FLNB: variants seen among roughly 807,000 people sequenced by gnomAD.
FLNB encodes filamin B.
In FLNB, 111 loss-of-function variants were observed where a neutral mutation model predicts 250.6. The observed-to-expected ratio is 0.44, with a 90% CI of 0.38 to 0.52. FLNB has a LOEUF of 0.52. Among genes scored for constraint, FLNB ranks in the 20% least tolerant of loss-of-function variants. The pLI is 0.00. For synonymous variants in FLNB, 1,302 were observed against 1,372.1 expected (o/e 0.95, Z 1.13); for missense variants, 2,869 against 3,447.8 (o/e 0.83, Z 4.20).
intron 21 of FLNB, 66 bp downstream of exon 21, chr3:58,123,756 A>G: frequency 7.1e-7 from 1 of 1,409,582 alleles, no homozygotes; most frequent in Non-Finnish European, 9.7e-7. Flanking sequence ...GCTACCTGAA[A>G]CTTGGAGCTG....
At chr3:58,051,084 A>G (rs858215) in intron 1 of FLNB, among the ~76,000 whole-genome samples, 67,542 of 152,000 alleles carry the variant, frequency 0.44, 16,022 homozygotes, top group African/African-American at 0.61. Flanking sequence ...GGACCCCCTG[A>G]GTCTCTCTGA....
intron 1 of FLNB, among the ~76,000 whole-genome samples, chr3:58,034,734 C>T (rs2097135651): frequency 1.3e-5 from 2 of 152,306 alleles, no homozygotes; most frequent in South Asian, 4.1e-4. Flanking sequence ...AAGGGGTAGG[C>T]AGGCAGTTGG....
chr3:58,153,880 T>C (rs1338938246), intron 39 of FLNB, among the ~76,000 whole-genome samples: 1 of 152,206 alleles, frequency 6.6e-6, no homozygotes, highest in African/African-American at 2.4e-5. Context: ...CCGTATCTTA[T>C]TAGTGTGCAC....
At chr3:58,047,905 C>T (rs2097156496) in intron 1 of FLNB, among the ~76,000 whole-genome samples, 1 of 152,082 alleles carries the variant, frequency 6.6e-6, no homozygotes, top group Non-Finnish European at 1.5e-5. Flanking sequence ...GTACTCAGCT[C>T]GTATCATGAC....
At chr3:58,057,617 G>A (rs929808265) in intron 1 of FLNB, among the ~76,000 whole-genome samples, 1 of 152,204 alleles carries the variant, frequency 6.6e-6, no homozygotes, top group Non-Finnish European at 1.5e-5. Context: ...TTTGGTGGGA[G>A]AGAGTAGTCT....
chr3:58,074,607 A>C (rs2097199107), intron 1 of FLNB, among the ~76,000 whole-genome samples: 1 of 152,232 alleles, frequency 6.6e-6, no homozygotes, highest in Non-Finnish European at 1.5e-5. Context: ...AATTACAAGA[A>C]AACACGGTGA....
At chr3:58,035,502 C>G (rs1172438699) in intron 1 of FLNB, among the ~76,000 whole-genome samples, 2 of 152,052 alleles carry the variant, frequency 1.3e-5, no homozygotes, top group East Asian at 1.9e-4. Context: ...GTACCCCACC[C>G]CCAACTTTTT....
At chr3:58,043,992 C>T (rs1259981992) in intron 1 of FLNB, among the ~76,000 whole-genome samples, 1 of 152,184 alleles carries the variant, frequency 6.6e-6, no homozygotes, top group African/African-American at 2.4e-5. Context: ...TTGTCCCTTC[C>T]CTCTGTAGAG....
intron 38 of FLNB, 109 bp from the exon 39 acceptor site, chr3:58,153,266 C>A: frequency 7.7e-7 from 1 of 1,291,176 alleles, no homozygotes. Context: ...ACCTCACGTC[C>A]ACCGGGCTGC....
chr3:58,053,321 C>T (rs867715182), intron 1 of FLNB, among the ~76,000 whole-genome samples: 1 of 152,252 alleles, frequency 6.6e-6, no homozygotes, highest in Non-Finnish European at 1.5e-5. Context: ...ATAGCTGGGA[C>T]TGCAGGCACA....
At chr3:58,132,706 C>T in intron 25 of FLNB, 102 bp from the exon 26 acceptor site, 3 of 1,483,728 alleles carry the variant, frequency 2.0e-6, no homozygotes, top group Non-Finnish European at 2.8e-6. Flanking sequence ...CAGTGGAAAC[C>T]AATAGCTCTT....
intron 1 of FLNB, among the ~76,000 whole-genome samples, chr3:58,067,827 C>G (rs371777091): frequency 1.1e-3 from 167 of 152,184 alleles, no homozygotes; most frequent in African/African-American, 3.9e-3. Context: ...CGCCCACCTC[C>G]GCCTCCCAAA....
intron 1 of FLNB, among the ~76,000 whole-genome samples, chr3:58,042,148 A>C (rs1455402730): frequency 6.6e-6 from 1 of 152,090 alleles, no homozygotes; most frequent in East Asian, 1.9e-4. Flanking sequence ...AGTCCTCTAG[A>C]ATCCTGAACA....
intron 16 of FLNB, among the ~76,000 whole-genome samples, chr3:58,111,146 C>T (rs2097268021): frequency 6.6e-6 from 1 of 152,120 alleles, no homozygotes; most frequent in African/African-American, 2.4e-5. Flanking sequence ...CTGTGGTCTC[C>T]ACCCTTAAAT....
intron 18 of FLNB, among the ~76,000 whole-genome samples, chr3:58,114,707 G>GTTTTTTTTTTTTTTTT (rs568292098): frequency 7.2e-6 from 1 of 138,846 alleles, no homozygotes; most frequent in Non-Finnish European, 1.6e-5. Context: ...TTTTTTTTCT[G>GTTTTTTTTTTTTTTTT]TTTTTTTTTT....
rs746500238 is a variant in FLNB, at chr3:58,124,386, A to C, written c.3779A>C (p.Gln1260Pro). 1.2e-5 allele frequency: 20 copies of C among 1,614,114 alleles called. No homozygotes were observed. The African/African-American group carries it at 2.1e-4, about 17-fold the overall frequency. ...ACAGTTGACTCTCGGCCGCTGACCC[A>C]GGTTGGGGGTGACCACATCAAGGCC... ...DFTVDSRPLT[Q>P]VGGDHIKAHI... Residue 1260 changes from glutamine (Q) to proline (P), a missense_variant, in exon 22 of 46, where the codon CAG (glutamine) becomes CCG (proline). By Grantham distance (76) the Gln-to-Pro change is moderately conservative (BLOSUM62 -1). Coordinates refer to ENST00000295956, the MANE Select transcript of FLNB (RefSeq NM_001457.4).
Position 58,143,733 on chromosome 3 carries a change from G to A in FLNB, c.5425+120G>A, listed in dbSNP as rs1021754994. On this transcript the variant is annotated intron_variant, in intron 32 of 45. Coordinates refer to ENST00000295956, the MANE Select transcript of FLNB (RefSeq NM_001457.4). ...TCGGCAGCAGGCTGGAGAATGCAGC[G>A]TTGGTACCCCTGTGAAACCAAACAG... The A allele has an allele frequency of 4.6e-5, 57 of 1,227,086 alleles. 1 individual carries two copies. In the East Asian group the frequency reaches 6.6e-4, roughly 14 times the overall value. 76.0% of individuals were successfully genotyped at this position (1,227,086 alleles called of 1,614,324 possible). A position where few individuals can be genotyped will look rare whatever the true frequency, so the allele number is the denominator to read the frequency against.
intron 11 of FLNB, among the ~76,000 whole-genome samples, chr3:58,106,221 G>T (rs2097259304): frequency 6.6e-6 from 1 of 151,952 alleles, no homozygotes; most frequent in South Asian, 2.1e-4. Flanking sequence ...ACCCAGAAGT[G>T]GATTTGGTGG....
intron 1 of FLNB, among the ~76,000 whole-genome samples, chr3:58,057,589 G>A (rs1053553467): frequency 6.6e-6 from 1 of 152,202 alleles, no homozygotes; most frequent in African/African-American, 2.4e-5. Context: ...GCAGCTAACA[G>A]GATTCAGGGA....
Sources: gnomAD v4.1 joint callset for allele counts (sites outside exome capture counted in the v4.1 genomes callset) on GRCh38, gnomAD v4.1.1 for gene constraint, MANE v1.5 for transcripts, NCBI Gene and HGNC (gene_info 2026-07-23, HGNC 2026-07-21) for gene names.